NPFFR2: variants seen among roughly 807,000 people sequenced by gnomAD.
The protein encoded by NPFFR2 is G-protein coupled receptor 74.
A neutral mutation model predicts 13.1 loss-of-function variants in NPFFR2; 15 were observed. The observed-to-expected ratio is 1.15, with a 90% CI of 0.77 to 1.76. The LOEUF (loss-of-function observed/expected upper bound fraction) is 1.76, where lower values mean the gene tolerates loss of function less well. Ranked by LOEUF, NPFFR2 falls within the 40% of genes most tolerant of loss-of-function variation. The pLI, the probability that NPFFR2 is intolerant of heterozygous loss-of-function variation, is 0.00. For missense variants in NPFFR2, 572 were observed against 503.5 expected, an observed-to-expected ratio of 1.14 and a Z score of -1.30; for synonymous variants, 190 against 175.7, an observed-to-expected ratio of 1.08 and a Z score of -0.65.
At chr4:72,057,788 G>T (rs1307507978) in intron 1 of NPFFR2, among the ~76,000 whole-genome samples, 1 of 151,946 alleles carries the variant, frequency 6.6e-6, no homozygotes, top group Non-Finnish European at 1.5e-5. Context: ...CTCCATAATG[G>T]AGAGACCTGG....
At chr4:72,133,283 G>A (rs185171952) in intron 2 of NPFFR2, among the ~76,000 whole-genome samples, 1 of 152,166 alleles carries the variant, frequency 6.6e-6, no homozygotes, top group East Asian at 1.9e-4. Flanking sequence ...CTTGCCCATT[G>A]TTTTTGTTAG....
At chr4:72,074,328 G>A (rs1171045307) in intron 1 of NPFFR2, among the ~76,000 whole-genome samples, 1 of 151,948 alleles carries the variant, frequency 6.6e-6, no homozygotes, top group African/African-American at 2.4e-5. Flanking sequence ...TCATCACATA[G>A]GGATTTTGTC....
chr4:72,060,087 G>T (rs554627078), intron 1 of NPFFR2, among the ~76,000 whole-genome samples: 3 of 152,178 alleles, frequency 2.0e-5, no homozygotes, highest in South Asian at 2.1e-4. Flanking sequence ...ACTGGTTCAG[G>T]TCTAAAAATT....
At chr4:72,034,033 G>A (rs980425535) in intron 1 of NPFFR2, among the ~76,000 whole-genome samples, 2 of 152,082 alleles carry the variant, frequency 1.3e-5, no homozygotes, top group African/African-American at 4.8e-5. Context: ...CTGTAACATG[G>A]AACACAAAAT....
At position 72,096,755 on chromosome 4, in the gene NPFFR2, A is replaced by G. The variant is rs575740251; in HGVS notation, c.-7-31830A>G. On this transcript the variant is annotated intron_variant, in intron 1 of 3. Transcript: ENST00000308744. ...AGTTGTATATTCATGTATTCAACAA[A>G]TTGTTTTATACAGATGCTCCTTGAC... Among the ~76,000 whole-genome samples the G allele has an allele frequency of 6.6e-5, 10 of 152,222 alleles. No individual in the cohort carries two copies. The South Asian group carries it at 2.1e-3, about 32-fold the overall frequency.
intron 1 of NPFFR2, among the ~76,000 whole-genome samples, chr4:72,059,372 G>A (rs533020319): frequency 6.6e-6 from 1 of 152,050 alleles, no homozygotes; most frequent in African/African-American, 2.4e-5. Context: ...TTGATAATTT[G>A]CATAGAGAAA....
chr4:72,081,172 A>C (rs570171588), intron 1 of NPFFR2, among the ~76,000 whole-genome samples: 104 of 152,302 alleles, frequency 6.8e-4, no homozygotes, highest in African/African-American at 2.4e-3. Flanking sequence ...GGAACGGGCA[A>C]AGTATCTACA....
intron 1 of NPFFR2, among the ~76,000 whole-genome samples, chr4:72,044,128 G>A (rs1719311504): frequency 6.6e-6 from 1 of 152,100 alleles, no homozygotes; most frequent in Non-Finnish European, 1.5e-5. Context: ...ATGTGAAAAA[G>A]GACATGTTTG....
intron 1 of NPFFR2, among the ~76,000 whole-genome samples, chr4:72,068,577 T>C (rs1477530819): frequency 1.3e-5 from 2 of 152,206 alleles, no homozygotes; most frequent in Non-Finnish European, 2.9e-5. Flanking sequence ...TTTAGTTTAC[T>C]GCTGTATCTA....
At chr4:72,113,257 T>A (rs1302175052) in intron 1 of NPFFR2, among the ~76,000 whole-genome samples, 2 of 151,862 alleles carry the variant, frequency 1.3e-5, no homozygotes, top group African/African-American at 4.8e-5. Flanking sequence ...AATTTGGAAA[T>A]TTTTTTTCTT....
At chr4:72,058,397 T>A (rs996420900) in intron 1 of NPFFR2, among the ~76,000 whole-genome samples, 2 of 147,674 alleles carry the variant, frequency 1.4e-5, no homozygotes, top group Admixed American at 6.8e-5. Flanking sequence ...AAATAAAAAG[T>A]AAAAAAAAAA....
Position 72,143,841 on chromosome 4 carries a change from C to A in NPFFR2, c.429-3137C>A, listed in dbSNP as rs139205470. On this transcript the variant is annotated intron_variant, in intron 3 of 3. Transcript: ENST00000308744. ...AGATAATTAATACCCCTAGAAGTAG[C>A]CCTCAACTAAAATCTCATGAGAGTT... is the stretch of plus-strand genomic sequence containing the variant. Among the ~76,000 whole-genome samples the A allele has an allele frequency of 1.8e-3, 269 of 152,244 alleles. 1 individual carries two copies. Among genetic ancestry groups the A allele is most frequent in the African/African-American group, 6.1e-3 (253 of 41,556 alleles).
At chr4:72,038,022 A>G (rs1578414921) in intron 1 of NPFFR2, among the ~76,000 whole-genome samples, 1 of 152,194 alleles carries the variant, frequency 6.6e-6, no homozygotes, top group African/African-American at 2.4e-5. Flanking sequence ...CCAAAGCCTT[A>G]CAGTTTCTCA....
At chr4:72,081,079 T>A (rs1276221641) in intron 1 of NPFFR2, among the ~76,000 whole-genome samples, 1 of 152,236 alleles carries the variant, frequency 6.6e-6, no homozygotes, top group Non-Finnish European at 1.5e-5. Flanking sequence ...TCAAGATGAC[T>A]GTTTAATGAC....
At chr4:72,069,569 A>G (rs4473626) in intron 1 of NPFFR2, among the ~76,000 whole-genome samples, 136,860 of 152,120 alleles carry the variant, frequency 0.9, 62,523 homozygotes, top group Non-Finnish European at 0.98. Context: ...TGTTATTACT[A>G]TTAGTCAACA....
chr4:72,075,510 A>G (rs1720399267), intron 1 of NPFFR2, among the ~76,000 whole-genome samples: 1 of 152,268 alleles, frequency 6.6e-6, no homozygotes, highest in Non-Finnish European at 1.5e-5. Context: ...CCTACTCTCA[A>G]TAATGGAGAG....
chr4:72,102,623 G>T (rs1007351438), intron 1 of NPFFR2, among the ~76,000 whole-genome samples: 4 of 149,348 alleles, frequency 2.7e-5, no homozygotes, highest in Non-Finnish European at 3.0e-5. Flanking sequence ...AGAATATGCG[G>T]TGTTTGTTTT....
chr4:72,054,273 G>A (rs1719676180), intron 1 of NPFFR2, among the ~76,000 whole-genome samples: 1 of 151,868 alleles, frequency 6.6e-6, no homozygotes, highest in Non-Finnish European at 1.5e-5. Flanking sequence ...TGTTGTTGGT[G>A]TAAGCACGGC....
intron 1 of NPFFR2, among the ~76,000 whole-genome samples, chr4:72,090,514 A>T (rs1720890326): frequency 6.6e-6 from 1 of 152,028 alleles, no homozygotes; most frequent in Non-Finnish European, 1.5e-5. Flanking sequence ...AGTGTTTTAT[A>T]GTTTTCCTTG....
Sources: gnomAD v4.1 joint callset for allele counts (sites outside exome capture counted in the v4.1 genomes callset) on GRCh38, gnomAD v4.1.1 for gene constraint, MANE v1.5 for transcripts, NCBI Gene and HGNC (gene_info 2026-07-23, HGNC 2026-07-21) for gene names.